CHMP4B: variants seen among roughly 807,000 people sequenced by gnomAD.
CHMP4B encodes charged multivesicular body protein 4B, also known as SNF7 homolog associated with Alix 1.
CHMP4B carries 1 observed loss-of-function variant against 25.1 expected under a neutral mutation model. The ratio of observed to expected loss-of-function variants is 0.04; its 90% confidence interval spans 0.01 to 0.19. CHMP4B has a LOEUF of 0.19. CHMP4B is among the 10% of genes least tolerant of loss of function. The pLI is 1.00. For synonymous variants in CHMP4B, 101 were observed against 115.6 expected, an observed-to-expected ratio of 0.87 and a Z score of 0.81; for missense variants, 151 against 289.7, an observed-to-expected ratio of 0.52 and a Z score of 3.48.
intron 1 of CHMP4B, among the ~76,000 whole-genome samples, chr20:33,843,664 G>A (rs1979603377): frequency 1.3e-5 from 2 of 152,212 alleles, no homozygotes; most frequent in South Asian, 4.1e-4. Context: ...GGTTGGCATG[G>A]AGGAAGTTTT....
chr20:33,841,397 C>T (rs968816982), intron 1 of CHMP4B, among the ~76,000 whole-genome samples: 1 of 152,196 alleles, frequency 6.6e-6, no homozygotes, highest in African/African-American at 2.4e-5. Flanking sequence ...CCTGAACTCT[C>T]CAGCTGTGTG....
intron 1 of CHMP4B, among the ~76,000 whole-genome samples, chr20:33,839,752 C>T (rs190821274): frequency 2.4e-4 from 37 of 152,256 alleles, no homozygotes; most frequent in Non-Finnish European, 3.4e-4. Flanking sequence ...GCGGGGTAGA[C>T]GCTCTTCTGC....
rs1979754511 is a variant in CHMP4B, at chr20:33,848,657, C to G, written c.368+13C>G. On this transcript the variant is annotated intron_variant, in intron 2 of 4. Transcript: ENST00000217402. ...CCCATGACAACATGTACGTGTCCAC[C>G]CGCCCCTGCGCCACAGGGCAGTGCT... The G allele has an allele frequency of 6.2e-7, 1 of 1,613,908 alleles. No individual in the cohort carries two copies. Among genetic ancestry groups the G allele is most frequent in the African/African-American group, 1.3e-5 (1 of 74,932 alleles).
At chr20:33,831,260 A>G (rs988324204) in intron 1 of CHMP4B, among the ~76,000 whole-genome samples, 1 of 152,036 alleles carries the variant, frequency 6.6e-6, no homozygotes, top group African/African-American at 2.4e-5. Context: ...ACGCCTGGCT[A>G]TTTTTAGTGG....
intron 1 of CHMP4B, among the ~76,000 whole-genome samples, chr20:33,819,751 A>AGG (rs907384984): frequency 9.1e-4 from 138 of 152,358 alleles, no homozygotes; most frequent in African/African-American, 3.2e-3. Flanking sequence ...TTGGTAACCC[A>AGG]GGGTAAGCCT....
At chr20:33,845,881 A>G (rs762838508) in intron 1 of CHMP4B, among the ~76,000 whole-genome samples, 1 of 152,182 alleles carries the variant, frequency 6.6e-6, no homozygotes, top group Non-Finnish European at 1.5e-5. Flanking sequence ...TCCCTCTGAC[A>G]TTACTGATGG....
intron 1 of CHMP4B, among the ~76,000 whole-genome samples, chr20:33,844,352 T>C (rs181929278): frequency 1.2e-3 from 182 of 152,322 alleles, no homozygotes; most frequent in African/African-American, 4.1e-3. Context: ...AAATTGCAGG[T>C]TCAATTTAGT....
At chr20:33,815,441 G>A (rs993908783) in intron 1 of CHMP4B, among the ~76,000 whole-genome samples, 5 of 152,326 alleles carry the variant, frequency 3.3e-5, no homozygotes, top group Non-Finnish European at 7.4e-5. Context: ...TGGGCAGGAC[G>A]AAGGAGAGAG....
In CHMP4B at chr20:33,848,460, C is replaced by A; in HGVS notation, c.191-7C>A. ...CTCTCTGAAACCCTGTTTTCTCCCT[C>A]ACGCAGCGGCCCTCCAGGCACTGAA... is the stretch of plus-strand genomic sequence containing the variant. On this transcript the variant is annotated splice_polypyrimidine_tract_variant and splice_region_variant and intron_variant, in intron 1 of 4. Coordinates refer to ENST00000217402, the MANE Select transcript of CHMP4B (RefSeq NM_176812.5). 1 of 1,614,000 alleles carries A rather than the reference C, an allele frequency of 6.2e-7. No individual in the cohort carries two copies. Among genetic ancestry groups the A allele is most frequent in the Non-Finnish European group, 8.5e-7 (1 of 1,179,978 alleles).
chr20:33,840,348 G>C (rs1979504412), intron 1 of CHMP4B, among the ~76,000 whole-genome samples: 5 of 152,176 alleles, frequency 3.3e-5, no homozygotes, highest in Admixed American at 3.3e-4. Context: ...GGGGAAACAG[G>C]CAAGACGGAG....
intron 1 of CHMP4B, among the ~76,000 whole-genome samples, chr20:33,832,331 A>G (rs1337427130): frequency 6.6e-6 from 1 of 152,126 alleles, no homozygotes; most frequent in Non-Finnish European, 1.5e-5. Context: ...TGTCCCAGCC[A>G]AGAACCTGGT....
chr20:33,828,690 G>A (rs1467391805), intron 1 of CHMP4B, among the ~76,000 whole-genome samples: 2 of 152,028 alleles, frequency 1.3e-5, no homozygotes, highest in Non-Finnish European at 2.9e-5. Flanking sequence ...ACTCTGGGGA[G>A]GGTTAGGAAG....
At chr20:33,834,701 C>G (rs951654830) in intron 1 of CHMP4B, among the ~76,000 whole-genome samples, 4 of 152,182 alleles carry the variant, frequency 2.6e-5, no homozygotes, top group Admixed American at 6.5e-5. Context: ...TTTCCCATTT[C>G]ATTTCTTCTT....
chr20:33,831,338 G>A (rs183564738), intron 1 of CHMP4B, among the ~76,000 whole-genome samples: 183 of 152,192 alleles, frequency 1.2e-3, no homozygotes, highest in Non-Finnish European at 2.4e-3. Flanking sequence ...CGCCCACCTC[G>A]GCCTTCCAAA....
chr20:33,848,585 C>G lies in CHMP4B; in HGVS notation c.309C>G (p.Thr103=). Residue 103 remains threonine (T), a synonymous_variant, in exon 2 of 5, where the codon ACC becomes ACG. Coordinates refer to ENST00000217402, the MANE Select transcript of CHMP4B (RefSeq NM_176812.5). ...REALENANTN[T]EVLKNMGYAA... ...CCCTGGAGAATGCCAACACCAACAC[C>G]GAGGTGCTCAAGAACATGGGCTATG... The G allele has an allele frequency of 6.2e-7, 1 of 1,614,204 alleles. No individual in the cohort carries two copies. Among genetic ancestry groups the G allele is most frequent in the Non-Finnish European group, 8.5e-7 (1 of 1,180,044 alleles).
intron 1 of CHMP4B, among the ~76,000 whole-genome samples, chr20:33,817,407 T>C (rs1008312052): frequency 6.6e-6 from 1 of 152,222 alleles, no homozygotes; most frequent in African/African-American, 2.4e-5. Context: ...AGGTTTATAA[T>C]GTGATTTGTA....
intron 1 of CHMP4B, among the ~76,000 whole-genome samples, chr20:33,847,837 G>T (rs986266156): frequency 1.3e-5 from 2 of 152,118 alleles, no homozygotes; most frequent in African/African-American, 4.8e-5. Context: ...ACATCATGAT[G>T]GTTGTTGCTG....
At chr20:33,824,069 G>A (rs943346416) in intron 1 of CHMP4B, among the ~76,000 whole-genome samples, 2 of 152,166 alleles carry the variant, frequency 1.3e-5, no homozygotes, top group African/African-American at 4.8e-5. Context: ...TGTACAATAT[G>A]AGCACCTATG....
chr20:33,818,756 A>G (rs900111144), intron 1 of CHMP4B, among the ~76,000 whole-genome samples: 1 of 152,150 alleles, frequency 6.6e-6, no homozygotes, highest in African/African-American at 2.4e-5. Context: ...TCCCGCTTCT[A>G]CATCACAGAT....
Sources: gnomAD v4.1 joint callset for allele counts (sites outside exome capture counted in the v4.1 genomes callset) on GRCh38, gnomAD v4.1.1 for gene constraint, MANE v1.5 for transcripts, NCBI Gene and HGNC (gene_info 2026-07-23, HGNC 2026-07-21) for gene names.